GRID1: variants seen among roughly 807,000 people sequenced by gnomAD.
GRID1 encodes glutamate receptor ionotropic, delta-1.
In GRID1, 28 loss-of-function variants were observed where a neutral mutation model predicts 98.0. The observed-to-expected ratio is 0.29, with a 90% confidence interval of 0.21 to 0.39. The LOEUF (loss-of-function observed/expected upper bound fraction) is 0.39. Among genes scored for constraint, GRID1 ranks in the 10% least tolerant of loss-of-function variants. GRID1 has a pLI of 1.00. For synonymous variants in GRID1, 553 were observed against 538.5 expected, an observed-to-expected ratio of 1.03 and a Z score of -0.37; for missense variants, 1,111 against 1,340.5, an observed-to-expected ratio of 0.83 and a Z score of 2.67.
At chr10:85,875,776 T>C (rs1843323177) in intron 5 of GRID1, among the ~76,000 whole-genome samples, 1 of 152,246 alleles carries the variant, frequency 6.6e-6, no homozygotes, top group African/African-American at 2.4e-5. Context: ...ACCTCCAGTA[T>C]TTTAATTCAA....
At chr10:85,654,092 C>T (rs1341295872) in intron 12 of GRID1, among the ~76,000 whole-genome samples, 1 of 152,270 alleles carries the variant, frequency 6.6e-6, no homozygotes, top group East Asian at 1.9e-4. Context: ...GTGAGGGTTG[C>T]AGAGCCCACA....
chr10:86,122,580 T>G (rs1019088583), intron 4 of GRID1, among the ~76,000 whole-genome samples: 3 of 152,248 alleles, frequency 2.0e-5, no homozygotes, highest in African/African-American at 7.2e-5. Flanking sequence ...GGATAACTTA[T>G]ACAACTTCCC....
At chr10:86,004,534 C>T (rs1000923352) in intron 4 of GRID1, among the ~76,000 whole-genome samples, 7 of 152,152 alleles carry the variant, frequency 4.6e-5, no homozygotes, top group African/African-American at 1.4e-4. Flanking sequence ...CAGTTGAAGG[C>T]ATGAATAGAA....
At chr10:85,939,093 C>T (rs117385363) in intron 4 of GRID1, among the ~76,000 whole-genome samples, 1,801 of 152,182 alleles carry the variant, frequency 0.012, 23 homozygotes, top group Middle Eastern at 0.024. Flanking sequence ...TTGCTCAGTC[C>T]CAGGCCGCCT....
chr10:86,001,102 A>C (rs965536864), intron 4 of GRID1, among the ~76,000 whole-genome samples: 2 of 152,220 alleles, frequency 1.3e-5, no homozygotes, highest in African/African-American at 4.8e-5. Flanking sequence ...CAAAGGCTAC[A>C]TACTGCTTGC....
At chr10:85,808,866 TAATC>T (rs1390547704) in intron 8 of GRID1, among the ~76,000 whole-genome samples, 6 of 152,114 alleles carry the variant, frequency 3.9e-5, no homozygotes, top group African/African-American at 1.4e-4. Context: ...AAATGACTGA[TAATC>T]AAGAGATAAA....
At chr10:86,246,657 C>A (rs1333096602) in intron 2 of GRID1, among the ~76,000 whole-genome samples, 1 of 152,202 alleles carries the variant, frequency 6.6e-6, no homozygotes, top group African/African-American at 2.4e-5. Flanking sequence ...CGCCCAGAAC[C>A]CTGTCCCACC....
chr10:86,017,073 G>C (rs558806009), intron 4 of GRID1, among the ~76,000 whole-genome samples: 21 of 152,302 alleles, frequency 1.4e-4, no homozygotes, highest in African/African-American at 4.8e-4. Context: ...AGAGATCAAA[G>C]GTTACAGACA....
At chr10:86,323,150 GA>G (rs917513040) in intron 2 of GRID1, among the ~76,000 whole-genome samples, 2 of 152,152 alleles carry the variant, frequency 1.3e-5, no homozygotes, top group African/African-American at 4.8e-5. Flanking sequence ...AATTATCCCA[GA>G]AAACAACACA....
intron 8 of GRID1, among the ~76,000 whole-genome samples, chr10:85,820,782 G>C (rs567741025): frequency 6.6e-6 from 1 of 152,238 alleles, no homozygotes; most frequent in East Asian, 1.9e-4. Flanking sequence ...AGGCAAGGCT[G>C]TAGAAGAATT....
At chr10:86,097,325 A>C (rs1205491358) in intron 4 of GRID1, among the ~76,000 whole-genome samples, 2 of 152,202 alleles carry the variant, frequency 1.3e-5, no homozygotes, top group Non-Finnish European at 2.9e-5. Context: ...AACTGCTAAA[A>C]CTTCAGTTGT....
At chr10:85,841,566 A>T (rs948287013) in intron 8 of GRID1, among the ~76,000 whole-genome samples, 1 of 152,212 alleles carries the variant, frequency 6.6e-6, no homozygotes, top group African/African-American at 2.4e-5. Flanking sequence ...AATGAGATAA[A>T]ATTTTTGCAA....
chr10:85,987,604 C>CCTG (rs1164307452), intron 4 of GRID1, among the ~76,000 whole-genome samples: 2 of 148,468 alleles, frequency 1.3e-5, no homozygotes, highest in African/African-American at 5.0e-5. Flanking sequence ...ACCTGCCTTA[C>CCTG]CTGCTCCTAC....
intron 8 of GRID1, among the ~76,000 whole-genome samples, chr10:85,834,621 G>C (rs1200574747): frequency 6.6e-6 from 1 of 152,050 alleles, no homozygotes; most frequent in Non-Finnish European, 1.5e-5. Flanking sequence ...TCAGGACAAT[G>C]ACATTTAAAA....
intron 12 of GRID1, among the ~76,000 whole-genome samples, chr10:85,717,090 G>A (rs1306525709): frequency 6.6e-6 from 1 of 152,128 alleles, no homozygotes; most frequent in Non-Finnish European, 1.5e-5. Flanking sequence ...ATTTGAGATT[G>A]GCTAAAACAG....
chr10:86,237,408 A>C (rs1479138733), intron 2 of GRID1, among the ~76,000 whole-genome samples: 1 of 152,202 alleles, frequency 6.6e-6, no homozygotes, highest in Non-Finnish European at 1.5e-5. Context: ...GTTTAAAAGC[A>C]TGTAGCACCT....
chr10:85,849,935 A>C (rs1843041978), intron 8 of GRID1, among the ~76,000 whole-genome samples: 1 of 152,100 alleles, frequency 6.6e-6, no homozygotes, highest in African/African-American at 2.4e-5. Flanking sequence ...TCCTAACTTG[A>C]TTCTAGAAAG....
intron 4 of GRID1, among the ~76,000 whole-genome samples, chr10:86,047,030 G>T (rs1233373949): frequency 6.6e-6 from 1 of 152,168 alleles, no homozygotes; most frequent in Non-Finnish European, 1.5e-5. Context: ...CTTCTCCATG[G>T]CTCAGTACCA....
chr10:85,980,236 C>T (rs542875566), intron 4 of GRID1, among the ~76,000 whole-genome samples: 2 of 152,262 alleles, frequency 1.3e-5, no homozygotes, highest in Admixed American at 1.3e-4. Flanking sequence ...TCCTGTGCCA[C>T]CCACAGCCCC....
Sources: gnomAD v4.1 joint callset for allele counts (sites outside exome capture counted in the v4.1 genomes callset) on GRCh38, gnomAD v4.1.1 for gene constraint, MANE v1.5 for transcripts, NCBI Gene and HGNC (gene_info 2026-07-23, HGNC 2026-07-21) for gene names.